Variants in RPRD1B observed in about 807,000 individuals in gnomAD.
RPRD1B encodes regulation of nuclear pre-mRNA domain-containing protein 1B.
A neutral mutation model predicts 41.5 loss-of-function variants in RPRD1B; 11 were observed. The ratio of observed to expected loss-of-function variants is 0.27; its 90% confidence interval spans 0.17 to 0.44. The LOEUF (loss-of-function observed/expected upper bound fraction) is 0.44. RPRD1B is among the 20% of genes least tolerant of loss of function. The pLI is 1.00. For missense variants in RPRD1B, 248 were observed against 389.9 expected, an observed-to-expected ratio of 0.64 and a Z score of 3.06; for synonymous variants, 158 against 155.6, an observed-to-expected ratio of 1.02 and a Z score of -0.12.
chr20:38,078,909 A>C (rs1472537581), intron 6 of RPRD1B, among the ~76,000 whole-genome samples: 2 of 152,226 alleles, frequency 1.3e-5, no homozygotes, highest in Non-Finnish European at 2.9e-5. Context: ...TAAATGTGCT[A>C]AATTTTAAGG....
chr20:38,055,248 G>T (rs2074227155), intron 3 of RPRD1B, among the ~76,000 whole-genome samples: 1 of 152,174 alleles, frequency 6.6e-6, no homozygotes, highest in Admixed American at 6.5e-5. Context: ...GAATTAAAGT[G>T]TGTTTTCTTT....
At chr20:38,044,220 GC>G (rs1338708813) in intron 2 of RPRD1B, among the ~76,000 whole-genome samples, 12 of 152,052 alleles carry the variant, frequency 7.9e-5, no homozygotes, top group Admixed American at 7.9e-4. Flanking sequence ...CCACAAACAC[GC>G]TTAATTCCTC....
At chr20:38,052,281 C>T (rs1028886976) in intron 3 of RPRD1B, among the ~76,000 whole-genome samples, 4 of 152,210 alleles carry the variant, frequency 2.6e-5, no homozygotes, top group Admixed American at 6.5e-5. Context: ...ATGAACTGGT[C>T]GCAAAAGTAA....
At position 38,033,929 on chromosome 20, in the gene RPRD1B, G is replaced by T; in HGVS notation, c.-19G>T. The T allele has an allele frequency of 6.3e-7, 1 of 1,598,950 alleles. No homozygotes were observed. The highest frequency in any genetic ancestry group is 8.5e-7 in the Non-Finnish European group (1 of 1,172,034). ...TGGGCGGCCCAGGCCGCTCCCTGCC[G>T]GGCCTCACTGCCGCCACCATGTCCT... On this transcript the variant is annotated 5_prime_UTR_variant, in exon 1 of 7. Transcript: ENST00000373433.
chr20:38,069,257 G>A (rs1418442325), intron 6 of RPRD1B, among the ~76,000 whole-genome samples: 1 of 152,182 alleles, frequency 6.6e-6, no homozygotes, highest in Non-Finnish European at 1.5e-5. Flanking sequence ...ACGGCTCAAA[G>A]TAGGAGATTG....
chr20:38,052,191 A>G (rs1341246013), intron 3 of RPRD1B, among the ~76,000 whole-genome samples: 3 of 152,224 alleles, frequency 2.0e-5, no homozygotes, highest in African/African-American at 7.2e-5. Flanking sequence ...TAATGCAGGT[A>G]AGATATTATC....
Position 38,092,291 on chromosome 20 carries a change from C to T in RPRD1B, c.*2416C>T. The T allele has an allele frequency of 3.0e-6, 3 of 984,934 alleles. No homozygotes were observed. The highest frequency in any genetic ancestry group is 3.6e-6 in the Non-Finnish European group (3 of 829,238). 61.0% of individuals were successfully genotyped at this position (984,934 alleles called of 1,614,324 possible). A position where few individuals can be genotyped will look rare whatever the true frequency, so the allele number is the denominator to read the frequency against. ...AGGACTATTTAGAAGTATAGGCTGT[C>T]GTTGGCGGCAGCAGTATATTCTGAA... On this transcript the variant is annotated 3_prime_UTR_variant, in exon 7 of 7. Transcript: ENST00000373433.
chr20:38,090,153 C>T lies in RPRD1B; in HGVS notation c.*278C>T, dbSNP rs2074600722. The T allele has an allele frequency of 8.7e-7, 1 of 1,144,558 alleles. No individual in the cohort carries two copies. Among genetic ancestry groups the T allele is most frequent in the African/African-American group, 1.6e-5 (1 of 63,964 alleles). The allele number at this position is 1,144,558 out of a possible 1,614,324, so 70.9% of individuals were successfully genotyped here. A position where few individuals can be genotyped will look rare whatever the true frequency, so the allele number is the denominator to read the frequency against. On this transcript the variant is annotated 3_prime_UTR_variant, in exon 7 of 7. Coordinates refer to ENST00000373433, the MANE Select transcript of RPRD1B (RefSeq NM_021215.4). The stretch of plus-strand genomic sequence containing the variant: ...CATGCCCCCCTGTTGGTTTTCCATT[C>T]TTAACTGTCTCCTTATACCTAAGAA...
At chr20:38,057,469 A>C in intron 3 of RPRD1B, 63 bp from the exon 4 acceptor site, 1 of 1,141,992 alleles carries the variant, frequency 8.8e-7, no homozygotes, top group Non-Finnish European at 1.3e-6. Flanking sequence ...CCCATTGTGC[A>C]TAGCATGTGA....
At chr20:38,050,087 C>T (rs967544678) in intron 3 of RPRD1B, among the ~76,000 whole-genome samples, 2 of 152,194 alleles carry the variant, frequency 1.3e-5, no homozygotes, top group Non-Finnish European at 2.9e-5. Flanking sequence ...TGTGGTCATT[C>T]CCTCCTTGTT....
chr20:38,079,807 T>C (rs562870114), intron 6 of RPRD1B, among the ~76,000 whole-genome samples: 1 of 152,350 alleles, frequency 6.6e-6, no homozygotes, highest in Non-Finnish European at 1.5e-5. Context: ...CAGACTGCTT[T>C]CCACAGTAGC....
At chr20:38,038,252 C>G (rs1230790229) in intron 1 of RPRD1B, among the ~76,000 whole-genome samples, 1 of 151,608 alleles carries the variant, frequency 6.6e-6, no homozygotes, top group Non-Finnish European at 1.5e-5. Flanking sequence ...TCAGTTTAAA[C>G]TGTAATGTGC....
At chr20:38,069,844 A>C (rs890943705) in intron 6 of RPRD1B, among the ~76,000 whole-genome samples, 1 of 152,242 alleles carries the variant, frequency 6.6e-6, no homozygotes, top group Non-Finnish European at 1.5e-5. Context: ...AGAGTTATCA[A>C]ATCATGGACA....
intron 6 of RPRD1B, among the ~76,000 whole-genome samples, chr20:38,076,997 A>C (rs1333477754): frequency 1.6e-5 from 2 of 128,476 alleles, no homozygotes; most frequent in Non-Finnish European, 3.1e-5. Context: ...ACTCACTGCA[A>C]CCTCCCACCT....
intron 3 of RPRD1B, 116 bp from the exon 4 acceptor site, chr20:38,057,416 A>T: frequency 2.9e-6 from 2 of 684,250 alleles, no homozygotes; most frequent in African/African-American, 3.5e-5. Flanking sequence ...CTATTAAGCC[A>T]TTCTGAAAAT....
At chr20:38,043,772 G>T (rs2074092724) in intron 2 of RPRD1B, among the ~76,000 whole-genome samples, 1 of 152,208 alleles carries the variant, frequency 6.6e-6, no homozygotes, top group African/African-American at 2.4e-5. Flanking sequence ...CGATTTCTAG[G>T]TTTTTGATGT....
At chr20:38,080,944 AT>A (rs1224810075) in intron 6 of RPRD1B, among the ~76,000 whole-genome samples, 6 of 152,182 alleles carry the variant, frequency 3.9e-5, no homozygotes, top group Admixed American at 1.3e-4. Flanking sequence ...AAGTTGGGTA[AT>A]GTGATGCCCT....
In RPRD1B at chr20:38,090,030, C is replaced by T; in HGVS notation, c.*155C>T. 2.8e-6 allele frequency: 4 copies of T among 1,432,808 alleles called. No individual in the cohort carries two copies. The highest frequency in any genetic ancestry group is 3.6e-6 in the Non-Finnish European group (4 of 1,097,136). The allele number at this position is 1,432,808 out of a possible 1,614,324, so 88.8% of individuals were successfully genotyped here. ...CTCAGACTCTGATTCTCCTCTTCAG[C>T]CTCTCATCTTGAGCACAGTTCAGAA... On this transcript the variant is annotated 3_prime_UTR_variant, in exon 7 of 7. Transcript: ENST00000373433.
chr20:38,084,202 A>G lies in RPRD1B; in HGVS notation c.832-5524A>G, dbSNP rs530206765. 1.6e-4 allele frequency among the ~76,000 whole-genome samples: 24 copies of G among 151,956 alleles called. No homozygotes were observed. The South Asian group carries it at 2.1e-3, about 13-fold the overall frequency. ...TTCCCCTTTGGGCTTGGCTTTCTCA[A>G]CCTCCATACTATGAAGCAGTCCTTT... On this transcript the variant is annotated intron_variant, in intron 6 of 6. Coordinates refer to ENST00000373433, the MANE Select transcript of RPRD1B (RefSeq NM_021215.4).
Sources: gnomAD v4.1 joint callset for allele counts (sites outside exome capture counted in the v4.1 genomes callset) on GRCh38, gnomAD v4.1.1 for gene constraint, MANE v1.5 for transcripts, NCBI Gene and HGNC (gene_info 2026-07-23, HGNC 2026-07-21) for gene names.